The following DOCK7 variants were observed in gnomAD, a reference collection of about 807,000 sequenced individuals.
DOCK7 encodes the protein dedicator of cytokinesis protein 7.
In DOCK7, 138 loss-of-function variants were observed where a neutral mutation model predicts 271.0. The observed-to-expected ratio is 0.51, with a 90% confidence interval of 0.44 to 0.59. The LOEUF (loss-of-function observed/expected upper bound fraction) is 0.59. DOCK7 is among the 20% of genes least tolerant of loss of function. The pLI, the probability that DOCK7 is intolerant of heterozygous loss-of-function variation, is 0.00. For missense variants in DOCK7, 2,066 were observed against 2,592.4 expected, an observed-to-expected ratio of 0.80 and a Z score of 4.41; for synonymous variants, 823 against 876.1, an observed-to-expected ratio of 0.94 and a Z score of 1.07.
intron 1 of DOCK7, among the ~76,000 whole-genome samples, chr1:62,687,128 G>A (rs78947002): frequency 1.3e-5 from 2 of 152,140 alleles, no homozygotes; most frequent in South Asian, 2.1e-4. Flanking sequence ...CAGAGCCACA[G>A]AACTACAACT....
intron 48 of DOCK7, among the ~76,000 whole-genome samples, chr1:62,460,639 A>ACC (rs1645496727): frequency 1.8e-5 from 2 of 114,036 alleles, no homozygotes; most frequent in African/African-American, 6.2e-5. Context: ...ACACACACAC[A>ACC]CCCTCCAAGT....
intron 30 of DOCK7, among the ~76,000 whole-genome samples, chr1:62,528,631 T>G (rs1038111395): frequency 6.6e-6 from 1 of 152,184 alleles, no homozygotes; most frequent in East Asian, 1.9e-4. Context: ...CTGGTTATCT[T>G]TGCAACACCA....
chr1:62,523,870 GATAA>G (rs762038279), intron 31 of DOCK7, among the ~76,000 whole-genome samples: 1 of 151,766 alleles, frequency 6.6e-6, no homozygotes, highest in African/African-American at 2.4e-5. Flanking sequence ...CTGTCTCCAA[GATAA>G]ATAAATAAAT....
intron 33 of DOCK7, 143 bp from the exon 34 acceptor site, chr1:62,510,816 T>C (rs963079710): frequency 1.9e-6 from 1 of 517,474 alleles, no homozygotes; most frequent in South Asian, 4.0e-5. Flanking sequence ...AACCTGACAA[T>C]GGTGCTTTTT....
rs1268779037 is a variant in DOCK7, at chr1:62,594,247, G to A, written c.1683-7623C>T. On this transcript the variant is annotated intron_variant, in intron 14 of 49. Transcript: ENST00000635253. ...TCAGACAGGAAGTATTAAAAGGCAG[G>A]CAGAAAATCCTTTATAAAATTACTA... is the stretch of plus-strand genomic sequence containing the variant. Among the ~76,000 whole-genome samples, 7 of 152,138 alleles carry A rather than the reference G, an allele frequency of 4.6e-5. No individual in the cohort carries two copies. The East Asian group carries it at 1.4e-3, about 29-fold the overall frequency.
chr1:62,516,738 G>C (rs1176755474), intron 31 of DOCK7: 2 of 152,142 alleles, frequency 1.3e-5, no homozygotes, highest in African/African-American at 4.8e-5. Flanking sequence ...CCTTCAGAAG[G>C]CTTCATTCAT....
intron 16 of DOCK7, among the ~76,000 whole-genome samples, chr1:62,580,845 T>C (rs1300898478): frequency 6.6e-6 from 1 of 152,206 alleles, no homozygotes; most frequent in Non-Finnish European, 1.5e-5. Flanking sequence ...GTTTTTACAT[T>C]TTTAAATGAT....
At chr1:62,616,530 G>T (rs995020148) in intron 14 of DOCK7, among the ~76,000 whole-genome samples, 3 of 151,600 alleles carry the variant, frequency 2.0e-5, no homozygotes, top group African/African-American at 7.3e-5. Context: ...ATGAATGCTG[G>T]ATGTCCTAAC....
intron 16 of DOCK7, among the ~76,000 whole-genome samples, chr1:62,582,564 A>G (rs1461196791): frequency 6.7e-6 from 1 of 148,556 alleles, no homozygotes; most frequent in Non-Finnish European, 1.5e-5. Flanking sequence ...AAAAAAAAAA[A>G]AAAAAAAAAA....
intron 12 of DOCK7, chr1:62,624,973 G>GA (rs932662884): frequency 7.4e-3 from 1,388 of 188,076 alleles, no homozygotes; most frequent in Middle Eastern, 0.013. Flanking sequence ...TCTGTCTCAA[G>GA]AAAAAAAAAC....
chr1:62,602,447 T>C (rs113480710), intron 14 of DOCK7: 7 of 1,393,406 alleles, frequency 5.0e-6, no homozygotes, highest in Admixed American at 1.7e-5. Flanking sequence ...GAACCTCTTA[T>C]GGACCAGGTA....
chr1:62,548,061 C>T (rs1011461890), intron 22 of DOCK7, among the ~76,000 whole-genome samples: 1 of 152,016 alleles, frequency 6.6e-6, no homozygotes, highest in Non-Finnish European at 1.5e-5. Flanking sequence ...ATCTACTGAG[C>T]ACCTTGAATA....
chr1:62,607,066 C>T (rs999064713), intron 14 of DOCK7, among the ~76,000 whole-genome samples: 17 of 152,026 alleles, frequency 1.1e-4, no homozygotes, highest in African/African-American at 2.7e-4. Context: ...ATTAGCCAGG[C>T]GTGGTGGCAT....
intron 1 of DOCK7, among the ~76,000 whole-genome samples, chr1:62,675,772 G>C (rs1260312689): frequency 1.3e-5 from 2 of 151,692 alleles, no homozygotes; most frequent in Admixed American, 6.6e-5. Flanking sequence ...GCGACAGTGC[G>C]AGACTCCATC....
rs372600235 is a variant in DOCK7, at chr1:62,688,068, C to G, written c.38+159G>C. ...GGGCGGCGCGAGGCCTCCGCTACCC[C>G]CTCAGCCACCCCGAACCCCTTCCGC... On this transcript the variant is annotated intron_variant, in intron 1 of 49. Transcript: ENST00000635253. 2.3e-3 allele frequency among the ~76,000 whole-genome samples: 351 copies of G among 151,574 alleles called. 2 individuals are homozygous for G. The highest frequency in any genetic ancestry group is 7.6e-3 in the African/African-American group (313 of 41,410).
intron 42 of DOCK7, 34 bp from the exon 43 acceptor site, chr1:62,487,446 A>T (rs1646327554): frequency 6.2e-7 from 1 of 1,606,126 alleles, no homozygotes; most frequent in Admixed American, 1.7e-5. Flanking sequence ...GGCAAGTCAT[A>T]AAAAAACTGT....
chr1:62,623,384 C>A (rs1225265345), intron 12 of DOCK7, among the ~76,000 whole-genome samples: 1 of 152,150 alleles, frequency 6.6e-6, no homozygotes, highest in Non-Finnish European at 1.5e-5. Flanking sequence ...TCCATGTTTC[C>A]AGCAATCATT....
intron 13 of DOCK7, among the ~76,000 whole-genome samples, chr1:62,619,328 T>C (rs1396697257): frequency 6.6e-6 from 1 of 152,236 alleles, no homozygotes; most frequent in Non-Finnish European, 1.5e-5. Flanking sequence ...TAAGCCATGA[T>C]ATTATTCATC....
chr1:62,479,683 T>C, intron 43 of DOCK7: 1 of 347,050 alleles, frequency 2.9e-6, no homozygotes, highest in Non-Finnish European at 6.0e-6. Context: ...TTTATTTATT[T>C]TTAGTTTTTA....
Sources: allele counts gnomAD v4.1 joint callset (sites outside exome capture counted in the v4.1 genomes callset), GRCh38; gene constraint gnomAD v4.1.1; transcripts MANE v1.5; gene names NCBI Gene and HGNC (gene_info 2026-07-23, HGNC 2026-07-21).